The following TPRG1 variants were observed in gnomAD, a reference collection of about 807,000 sequenced individuals.
TPRG1 encodes the protein tumor protein p63-regulated gene 1 protein.
In TPRG1, 29 loss-of-function variants were observed where a neutral mutation model predicts 29.3. The observed-to-expected ratio is 0.99, with a 90% confidence interval of 0.74 to 1.35. The LOEUF (loss-of-function observed/expected upper bound fraction) is 1.35. Ranked by LOEUF, TPRG1 falls within the 40% of genes most tolerant of loss-of-function variation. The pLI is 0.00. For synonymous variants in TPRG1, 130 were observed against 116.8 expected (o/e 1.11, Z -0.73); for missense variants, 327 against 335.0 (o/e 0.98, Z 0.19).
chr3:189,223,267 A>G (rs1737208384), intron 3 of TPRG1, among the ~76,000 whole-genome samples: 1 of 152,162 alleles, frequency 6.6e-6, no homozygotes, highest in African/African-American at 2.4e-5. Context: ...CTCCGTGTCC[A>G]TGGGCCTCCA....
At chr3:189,160,881 T>C (rs968698616) in intron 5 of TPRG1, among the ~76,000 whole-genome samples, 3 of 152,206 alleles carry the variant, frequency 2.0e-5, no homozygotes, top group Non-Finnish European at 4.4e-5. Context: ...TGTTTGTCGT[T>C]GTTGTTGCTG....
At chr3:189,192,819 C>A (rs1731901996) in intron 1 of TPRG1, among the ~76,000 whole-genome samples, 4 of 152,090 alleles carry the variant, frequency 2.6e-5, no homozygotes, top group Admixed American at 2.6e-4. Context: ...TATTAACTTT[C>A]TGCCTCCAGT....
chr3:189,275,794 A>G (rs1208218514), intron 4 of TPRG1, among the ~76,000 whole-genome samples: 1 of 152,154 alleles, frequency 6.6e-6, no homozygotes, highest in African/African-American at 2.4e-5. Flanking sequence ...AGGGCATCCA[A>G]TTGTTATTTC....
chr3:189,156,105 C>T (rs1726632549), intron 5 of TPRG1, among the ~76,000 whole-genome samples: 1 of 151,854 alleles, frequency 6.6e-6, no homozygotes, highest in African/African-American at 2.4e-5. Flanking sequence ...TAAATATATA[C>T]AATATTTATT....
chr3:189,058,840 G>A (rs562255278), intron 4 of TPRG1, among the ~76,000 whole-genome samples: 15 of 152,244 alleles, frequency 9.9e-5, no homozygotes, highest in African/African-American at 3.4e-4. Context: ...CTGAATTGAT[G>A]GAATGGACCT....
chr3:189,288,792 A>G (rs1192001035), intron 4 of TPRG1, among the ~76,000 whole-genome samples: 1 of 152,256 alleles, frequency 6.6e-6, no homozygotes. Flanking sequence ...CAAGGAAGAA[A>G]GAAATTACTC....
chr3:189,199,230 T>G (rs1272205247), intron 1 of TPRG1, among the ~76,000 whole-genome samples: 1 of 152,192 alleles, frequency 6.6e-6, no homozygotes, highest in Non-Finnish European at 1.5e-5. Flanking sequence ...CCTGTGACCT[T>G]ACAGCTTTTG....
At chr3:189,147,887 T>C (rs1230401047) in intron 4 of TPRG1, among the ~76,000 whole-genome samples, 2 of 152,330 alleles carry the variant, frequency 1.3e-5, no homozygotes, top group African/African-American at 4.8e-5. Context: ...TGGGTGGTCG[T>C]TCTTCCCAAG....
intron 4 of TPRG1, among the ~76,000 whole-genome samples, chr3:189,059,784 A>G (rs1715979161): frequency 6.6e-6 from 1 of 152,220 alleles, no homozygotes; most frequent in Admixed American, 6.5e-5. Flanking sequence ...AATGAAAGGT[A>G]ATATAGATCA....
At chr3:189,311,553 A>G (rs1443782923) in intron 5 of TPRG1, among the ~76,000 whole-genome samples, 2 of 152,208 alleles carry the variant, frequency 1.3e-5, no homozygotes, top group Non-Finnish European at 2.9e-5. Flanking sequence ...ATATTTGATT[A>G]CAGGCTAGAT....
chr3:189,157,936 C>T (rs918649878), intron 5 of TPRG1, among the ~76,000 whole-genome samples: 4 of 152,164 alleles, frequency 2.6e-5, no homozygotes, highest in Admixed American at 2.6e-4. Flanking sequence ...GTTGTAGAGA[C>T]TAACGAAGAC....
At chr3:189,138,461 G>A (rs1412640250) in intron 3 of TPRG1, among the ~76,000 whole-genome samples, 1 of 152,200 alleles carries the variant, frequency 6.6e-6, no homozygotes, top group Admixed American at 6.5e-5. Flanking sequence ...CACAATACAG[G>A]TTGGCAAGGG....
At position 189,077,438 on chromosome 3, in the gene TPRG1, G is replaced by C. The variant is rs1001104680; in HGVS notation, c.-462-49619G>C. On this transcript the variant is annotated intron_variant, in intron 4 of 10. Coordinates refer to the TPRG1 transcript ENST00000433971. ...AGTTAGTTTGCCTAACTAACAGTTA[G>C]GCAAAACTAACTATGGGGATAGAAA... Among the ~76,000 whole-genome samples the C allele has an allele frequency of 2.0e-5, 3 of 151,890 alleles. No individual in the cohort carries two copies. The East Asian group carries it at 5.8e-4, about 29-fold the overall frequency.
intron 4 of TPRG1, among the ~76,000 whole-genome samples, chr3:189,261,595 T>C (rs1713062373): frequency 6.6e-6 from 1 of 152,138 alleles, no homozygotes; most frequent in Admixed American, 6.5e-5. Flanking sequence ...TGGCAAGACA[T>C]AGCCTCTGCC....
chr3:189,199,896 A>G (rs1733174805), intron 1 of TPRG1, among the ~76,000 whole-genome samples: 1 of 152,156 alleles, frequency 6.6e-6, no homozygotes, highest in Non-Finnish European at 1.5e-5. Flanking sequence ...AACCAAAACC[A>G]AAAACAAACA....
intron 4 of TPRG1, among the ~76,000 whole-genome samples, chr3:189,061,236 T>G (rs886619547): frequency 1.3e-5 from 2 of 152,204 alleles, no homozygotes; most frequent in African/African-American, 4.8e-5. Flanking sequence ...GAGAACTGGA[T>G]AGCCATATGC....
In TPRG1 at chr3:189,207,197, A is replaced by G. The variant is rs1381901814; in HGVS notation, c.-9-179A>G. 3.1e-6 allele frequency: 3 copies of G among 983,148 alleles called. No individual in the cohort carries two copies. The Admixed American group carries it at 1.8e-4, about 61-fold the overall frequency. The allele number at this position is 983,148 out of a possible 1,614,324, so 60.9% of individuals were successfully genotyped here. On this transcript the variant is annotated intron_variant, in intron 1 of 5. Coordinates refer to ENST00000345063, the MANE Select transcript of TPRG1 (RefSeq NM_198485.4). ...GGTAAATGACCTTGCAGGATTGTGGATGGTATTTAGAAGTCTGTGTTATGA... is the reference window on the plus strand; with the variant it reads ...GGTAAATGACCTTGCAGGATTGTGGGTGGTATTTAGAAGTCTGTGTTATGA...
At chr3:189,278,679 A>G (rs1716582493) in intron 4 of TPRG1, among the ~76,000 whole-genome samples, 1 of 152,190 alleles carries the variant, frequency 6.6e-6, no homozygotes, top group South Asian at 2.1e-4. Flanking sequence ...AACATCTCCT[A>G]TGCTTCTGTG....
intron 5 of TPRG1, among the ~76,000 whole-genome samples, chr3:189,159,850 GT>G (rs1440299459): frequency 7.1e-6 from 1 of 140,168 alleles, no homozygotes; most frequent in East Asian, 2.2e-4. Context: ...ATGTGTGTGT[GT>G]GTGTGTGTGT....
Sources: gnomAD v4.1 joint callset for allele counts (sites outside exome capture counted in the v4.1 genomes callset) on GRCh38, gnomAD v4.1.1 for gene constraint, MANE v1.5 for transcripts, NCBI Gene and HGNC (gene_info 2026-07-23, HGNC 2026-07-21) for gene names.